SCG5: variants seen among roughly 807,000 people sequenced by gnomAD.
SCG5 encodes neuroendocrine protein 7B2.
In SCG5, 18 loss-of-function variants were observed where a neutral mutation model predicts 25.7. The observed-to-expected ratio is 0.70, with a 90% confidence interval of 0.48 to 1.04. The LOEUF (loss-of-function observed/expected upper bound fraction) is 1.04, where lower values mean the gene tolerates loss of function less well. Among genes scored for constraint, SCG5 ranks in the 50% least tolerant of loss-of-function variants. The probability of loss-of-function intolerance (pLI) is 0.00; values close to 1 mark genes in which losing one functional copy is unlikely to be tolerated. For missense variants in SCG5, 206 were observed against 259.8 expected (o/e 0.79, Z 1.42); for synonymous variants, 101 against 91.7 (o/e 1.10, Z -0.58).
chr15:32,653,501 G>A (rs1344117360), intron 2 of SCG5, among the ~76,000 whole-genome samples: 1 of 152,134 alleles, frequency 6.6e-6, no homozygotes, highest in Non-Finnish European at 1.5e-5. Flanking sequence ...GTAAATCCTG[G>A]GTTCTCTAGA....
chr15:32,678,057 C>T (rs979502563), intron 2 of SCG5, among the ~76,000 whole-genome samples: 4 of 152,098 alleles, frequency 2.6e-5, no homozygotes, highest in African/African-American at 4.8e-5. Flanking sequence ...GTTTGACATA[C>T]ACTGAAATAA....
intron 3 of SCG5, among the ~76,000 whole-genome samples, chr15:32,684,006 C>G (rs202228184): frequency 6.6e-6 from 1 of 152,176 alleles, no homozygotes; most frequent in African/African-American, 2.4e-5. Context: ...ATTTTTCACC[C>G]GTGTGAAGTC....
intron 2 of SCG5, among the ~76,000 whole-genome samples, chr15:32,662,703 C>T (rs746401728): frequency 1.1e-4 from 16 of 151,928 alleles, no homozygotes; most frequent in Non-Finnish European, 1.8e-4. Flanking sequence ...GAGATCACCT[C>T]AACTATAGAA....
Position 32,643,774 on chromosome 15 carries a change from CA to C in SCG5, c.183del (p.Ala62LeufsTer5), listed in dbSNP as rs1567067264. 9.9e-6 allele frequency: 16 copies of C among 1,613,894 alleles called. No homozygotes were observed. The highest frequency in any genetic ancestry group is 8.5e-7 in the Non-Finnish European group (1 of 1,179,884). On this transcript the variant is annotated frameshift_variant, in exon 2 of 6. Coordinates refer to ENST00000300175, the MANE Select transcript of SCG5 (RefSeq NM_001144757.3). LOFTEE classifies it high-confidence loss of function. ...ATTGCCAGGCCCCGAGTGGAATATC[CA>C]GCTCACCAGGCCATGAATCTTGTGG... Reference protein sequence around the residue: ...LGIARPRVEYPAHQAMNLVGP... With the variant: ...LGIARPRVEYXAHQAMNLVGP...
At chr15:32,659,860 T>C (rs192878042) in intron 2 of SCG5, among the ~76,000 whole-genome samples, 2 of 152,072 alleles carry the variant, frequency 1.3e-5, no homozygotes, top group African/African-American at 4.8e-5. Flanking sequence ...CCCTTCTCTG[T>C]ATCTTGCTTG....
intron 2 of SCG5, among the ~76,000 whole-genome samples, chr15:32,655,294 C>T (rs1021254403): frequency 4.6e-5 from 7 of 151,076 alleles, no homozygotes; most frequent in East Asian, 3.9e-4. Flanking sequence ...GGCAACAGAG[C>T]GAGACTCTGT....
At chr15:32,680,796 C>A (rs12438604) in intron 3 of SCG5, among the ~76,000 whole-genome samples, 39,024 of 151,936 alleles carry the variant, frequency 0.26, 5,531 homozygotes, top group East Asian at 0.59. Context: ...TCATGCATCC[C>A]ACCCACTTTC....
intron 3 of SCG5, among the ~76,000 whole-genome samples, chr15:32,683,587 T>A (rs996910610): frequency 3.3e-5 from 5 of 152,220 alleles, no homozygotes; most frequent in Non-Finnish European, 7.3e-5. Flanking sequence ...AAACCTATTA[T>A]GTGCCGGGTG....
chr15:32,686,810 C>T lies in SCG5; in HGVS notation c.489+2141C>T, dbSNP rs560938019. On this transcript the variant is annotated intron_variant, in intron 4 of 5. Transcript: ENST00000300175. The stretch of plus-strand genomic sequence containing the variant: ...GCTGGTCTTCAGAGAGCTTATAGTC[C>T]CACGGTTGAGATGAATTGCATGAAA... Among the ~76,000 whole-genome samples, 39 of 152,226 alleles carry T rather than the reference C, an allele frequency of 2.6e-4. 1 individual carries two copies. Among genetic ancestry groups the T allele is most frequent in the African/African-American group, 9.1e-4 (38 of 41,542 alleles).
At position 32,696,592 on chromosome 15, in the gene SCG5, G is replaced by A; in HGVS notation, c.622G>A (p.Asp208Asn). ...KKSVPHFSDE[D>N]KDPE is the part of the protein sequence containing the mutation. ...GTCTGTCCCCCATTTTTCAGATGAG[G>A]ATAAGGATCCAGAGTAAAGAGAAGA... Residue 208 changes from aspartate (D) to asparagine (N), a missense_variant, in exon 6 of 6, where the codon GAT becomes AAT. Coordinates refer to ENST00000300175, the MANE Select transcript of SCG5 (RefSeq NM_001144757.3). 1 of 1,612,006 alleles carries A rather than the reference G, an allele frequency of 6.2e-7. No homozygotes were observed. Among genetic ancestry groups the A allele is most frequent in the Non-Finnish European group, 8.5e-7 (1 of 1,178,704 alleles).
intron 2 of SCG5, among the ~76,000 whole-genome samples, chr15:32,673,527 C>CGTGTGTGTGTGT (rs55968956): frequency 0.12 from 15,510 of 134,752 alleles, 1,131 homozygotes; most frequent in East Asian, 0.19. Context: ...ATAAGATCCC[C>CGTGTGTGTGTGT]GTGTGTGTGT....
rs1341201750 is a variant in SCG5, at chr15:32,679,926, T to C, written c.376+11T>C. 6.3e-7 allele frequency: 1 copy of C among 1,580,594 alleles called. No homozygotes were observed. The highest frequency in any genetic ancestry group is 8.6e-7 in the Non-Finnish European group (1 of 1,162,622). On this transcript the variant is annotated intron_variant, in intron 3 of 5. Transcript: ENST00000300175. ...CTGTTGGAAAAACAGGTAACAGATA[T>C]GCCTTTGGGTTCCCATGAAAAGTTG...
intron 2 of SCG5, among the ~76,000 whole-genome samples, chr15:32,653,393 T>C (rs1309318871): frequency 6.6e-6 from 1 of 152,250 alleles, no homozygotes; most frequent in African/African-American, 2.4e-5. Context: ...GTTGTCTGAC[T>C]GTAGAATAAT....
At chr15:32,645,326 C>G (rs540619924) in intron 2 of SCG5, among the ~76,000 whole-genome samples, 1 of 152,304 alleles carries the variant, frequency 6.6e-6, no homozygotes, top group Admixed American at 6.5e-5. Flanking sequence ...CAGCCACTCC[C>G]GGGGCATCAA....
At chr15:32,657,128 G>A (rs1483431952) in intron 2 of SCG5, among the ~76,000 whole-genome samples, 1 of 139,228 alleles carries the variant, frequency 7.2e-6, no homozygotes, top group Non-Finnish European at 1.6e-5. Context: ...AACGTATTTT[G>A]GAAAGTATAA....
chr15:32,679,640 A>G, intron 2 of SCG5, 126 bp from the exon 3 acceptor site: 1 of 1,013,124 alleles, frequency 9.9e-7, no homozygotes, highest in Non-Finnish European at 1.5e-6. Flanking sequence ...GGCAAGAACC[A>G]TTTCATTTAT....
chr15:32,648,405 C>G (rs146329827), intron 2 of SCG5, among the ~76,000 whole-genome samples: 2 of 152,098 alleles, frequency 1.3e-5, no homozygotes, highest in East Asian at 1.9e-4. Flanking sequence ...ACAGGAAGAA[C>G]AGGAGTTAAA....
In SCG5 at chr15:32,692,463, G is replaced by A. The variant is rs144529975; in HGVS notation, c.543+700G>A. 6.0e-3 allele frequency among the ~76,000 whole-genome samples: 907 copies of A among 152,266 alleles called. 4 individuals are homozygous for A. Among genetic ancestry groups the A allele is most frequent in the Non-Finnish European group, 9.3e-3 (636 of 68,026 alleles). On this transcript the variant is annotated intron_variant, in intron 5 of 5. Transcript: ENST00000300175. ...ATGTCACATTTGCTTTGGCTTTCCA[G>A]GGTATTTTATAGCATCAAGACTTGA...
At chr15:32,667,164 TA>T (rs527508913) in intron 2 of SCG5, among the ~76,000 whole-genome samples, 486 of 152,346 alleles carry the variant, frequency 3.2e-3, no homozygotes, top group African/African-American at 0.011. Flanking sequence ...CTAGACAATT[TA>T]AAATTACAAA....
Sources: gnomAD v4.1 joint callset for allele counts (sites outside exome capture counted in the v4.1 genomes callset) on GRCh38, gnomAD v4.1.1 for gene constraint, MANE v1.5 for transcripts, NCBI Gene and HGNC (gene_info 2026-07-23, HGNC 2026-07-21) for gene names.